The following ANO4 variants were observed in gnomAD, a reference collection of about 807,000 sequenced individuals.
ANO4 encodes anoctamin-4.
Under a neutral mutation model 141.9 loss-of-function variants are expected in ANO4, and 69 were observed. The observed-to-expected ratio is 0.49, with a 90% CI of 0.40 to 0.59. ANO4 has a LOEUF of 0.59. Ranked by LOEUF, ANO4 falls within the 20% of genes least tolerant of loss-of-function variation. ANO4 has a pLI of 0.00. For synonymous variants in ANO4, 350 were observed against 394.3 expected, an observed-to-expected ratio of 0.89 and a Z score of 1.33; for missense variants, 894 against 1,162.2, an observed-to-expected ratio of 0.77 and a Z score of 3.36.
chr12:101,123,917 C>T (rs983132207), intron 26 of ANO4, among the ~76,000 whole-genome samples: 1 of 152,102 alleles, frequency 6.6e-6, no homozygotes, highest in African/African-American at 2.4e-5. Context: ...AGCATCTTTT[C>T]ATATTATTTT....
At chr12:100,952,413 A>G (rs559634239) in intron 5 of ANO4, among the ~76,000 whole-genome samples, 3 of 152,326 alleles carry the variant, frequency 2.0e-5, no homozygotes, top group African/African-American at 7.2e-5. Context: ...TGACAGCTTT[A>G]ACGCATGGCT....
At chr12:100,811,811 A>G (rs75203249) in intron 1 of ANO4, among the ~76,000 whole-genome samples, 1 of 152,304 alleles carries the variant, frequency 6.6e-6, no homozygotes, top group African/African-American at 2.4e-5. Context: ...ACAAAGTTGA[A>G]TAACTCTTCA....
chr12:100,965,693 C>G (rs1490944534), intron 5 of ANO4, among the ~76,000 whole-genome samples: 1 of 151,692 alleles, frequency 6.6e-6, no homozygotes, highest in Non-Finnish European at 1.5e-5. Context: ...GTTTCTTCTG[C>G]TTGGAATGCT....
intron 3 of ANO4, among the ~76,000 whole-genome samples, chr12:100,923,764 G>A (rs1411554065): frequency 1.3e-5 from 2 of 152,138 alleles, no homozygotes; most frequent in African/African-American, 4.8e-5. Flanking sequence ...CAGTGTAAAA[G>A]CATTCCTATT....
chr12:100,768,181 G>A (rs1190752915), intron 3 of ANO4, among the ~76,000 whole-genome samples: 1 of 152,228 alleles, frequency 6.6e-6, no homozygotes, highest in African/African-American at 2.4e-5. Context: ...TGGGGCCATA[G>A]GGGCTGGCCT....
chr12:100,895,255 CAAG>C (rs1316627090), intron 1 of ANO4, among the ~76,000 whole-genome samples: 1 of 151,682 alleles, frequency 6.6e-6, no homozygotes, highest in Non-Finnish European at 1.5e-5. Context: ...TAAGAAATGA[CAAG>C]AAGAGTAATG....
At position 101,017,995 on chromosome 12, in the gene ANO4, T is replaced by C. The variant is rs186797196; in HGVS notation, c.735-2039T>C. ...GTGCTCAGAAAATGTAATGTGATGCTATAAAAAGGGAAGGAAGCAGAAAAC... is the reference window on the plus strand; with the variant it reads ...GTGCTCAGAAAATGTAATGTGATGCCATAAAAAGGGAAGGAAGCAGAAAAC... On this transcript the variant is annotated intron_variant, in intron 8 of 27. Transcript: ENST00000392977. Among the ~76,000 whole-genome samples the C allele has an allele frequency of 6.6e-5, 10 of 152,324 alleles. No individual in the cohort carries two copies. The East Asian group carries it at 1.9e-3, about 29-fold the overall frequency.
chr12:101,063,263 A>G (rs1182149413), intron 14 of ANO4, among the ~76,000 whole-genome samples: 1 of 152,194 alleles, frequency 6.6e-6, no homozygotes, highest in African/African-American at 2.4e-5. Context: ...TTCATTTGGA[A>G]ATGCAGAAAT....
intron 3 of ANO4, among the ~76,000 whole-genome samples, chr12:100,761,411 C>T (rs1444529331): frequency 1.3e-5 from 2 of 152,118 alleles, no homozygotes; most frequent in African/African-American, 4.8e-5. Context: ...ATGAAATCAG[C>T]CAAGTTTCCA....
At chr12:101,055,152 TA>T (rs2048058671) in intron 14 of ANO4, among the ~76,000 whole-genome samples, 1 of 152,362 alleles carries the variant, frequency 6.6e-6, no homozygotes, top group East Asian at 1.9e-4. Context: ...TTTGTTTTTG[TA>T]AATTTTCATA....
At chr12:100,849,307 CAAGTGTTTTA>C (rs747434764) in intron 1 of ANO4, among the ~76,000 whole-genome samples, 4 of 152,212 alleles carry the variant, frequency 2.6e-5, no homozygotes, top group South Asian at 4.1e-4. Context: ...TATGTATTTT[CAAGTGTTTTA>C]TTTTATTTTC....
chr12:101,104,593 A>ATGTGTGTG (rs745870723), intron 22 of ANO4, among the ~76,000 whole-genome samples: 11 of 94,692 alleles, frequency 1.2e-4, no homozygotes, highest in African/African-American at 5.6e-4. Flanking sequence ...TAATATATAT[A>ATGTGTGTG]TGTGTGTGTG....
At position 101,062,496 on chromosome 12, in the gene ANO4, C is replaced by A. The variant is rs73377059; in HGVS notation, c.1312+14095C>A. On this transcript the variant is annotated intron_variant, in intron 14 of 27. Coordinates refer to ENST00000392977, the MANE Select transcript of ANO4 (RefSeq NM_001286615.2). ...AAGCTGCCCCGACAGCCACTGCTTC[C>A]CCCAGGTGCTCTGTCCCAGAGAGGT... Among the ~76,000 whole-genome samples the A allele has an allele frequency of 5.6e-3, 848 of 152,294 alleles. 13 individuals carry two copies. Among genetic ancestry groups the A allele is most frequent in the African/African-American group, 0.02 (816 of 41,572 alleles).
At chr12:100,840,007 T>C (rs2037153433) in intron 1 of ANO4, among the ~76,000 whole-genome samples, 1 of 152,094 alleles carries the variant, frequency 6.6e-6, no homozygotes, top group African/African-American at 2.4e-5. Flanking sequence ...ATTTTGAATT[T>C]TTGTAATCAG....
chr12:100,764,242 T>C (rs1021512150), intron 3 of ANO4, among the ~76,000 whole-genome samples: 8 of 152,218 alleles, frequency 5.3e-5, no homozygotes, highest in African/African-American at 1.9e-4. Context: ...TTATTGGATA[T>C]GAACTACTTA....
intron 1 of ANO4, among the ~76,000 whole-genome samples, chr12:100,836,039 C>A (rs974813289): frequency 1.3e-5 from 2 of 152,066 alleles, no homozygotes; most frequent in East Asian, 3.9e-4. Context: ...ATGACAATGC[C>A]AGGGAAAAAT....
chr12:100,904,641 A>G (rs2040751609), intron 2 of ANO4, among the ~76,000 whole-genome samples: 2 of 152,130 alleles, frequency 1.3e-5, no homozygotes, highest in Non-Finnish European at 2.9e-5. Context: ...GAGGTGGGGA[A>G]TCAACTCAGT....
At chr12:101,073,336 A>G (rs2048895925) in intron 14 of ANO4, among the ~76,000 whole-genome samples, 1 of 151,840 alleles carries the variant, frequency 6.6e-6, no homozygotes. Context: ...AAAACCAAAC[A>G]CCGCATGTTC....
At chr12:101,021,031 C>T (rs1000711087) in intron 9 of ANO4, among the ~76,000 whole-genome samples, 1 of 152,114 alleles carries the variant, frequency 6.6e-6, no homozygotes, top group African/African-American at 2.4e-5. Flanking sequence ...GTAAGAATAA[C>T]TCTAAAGAAT....
Sources: gnomAD v4.1 joint callset for allele counts (sites outside exome capture counted in the v4.1 genomes callset) on GRCh38, gnomAD v4.1.1 for gene constraint, MANE v1.5 for transcripts, NCBI Gene and HGNC (gene_info 2026-07-23, HGNC 2026-07-21) for gene names.